RALGAPA1: variants seen among roughly 807,000 people sequenced by gnomAD.
The protein encoded by RALGAPA1 is Ral GTPase activating protein catalytic subunit alpha 1, also known as ral GTPase-activating protein subunit alpha-1.
A neutral mutation model predicts 269.6 loss-of-function variants in RALGAPA1; 52 were observed. The observed-to-expected ratio is 0.19, with a 90% CI of 0.15 to 0.24. The LOEUF is 0.24. Among genes scored for constraint, RALGAPA1 ranks in the 10% least tolerant of loss-of-function variants. The pLI, the probability that RALGAPA1 is intolerant of heterozygous loss-of-function variation, is 1.00. For missense variants in RALGAPA1, 1,917 were observed against 3,013.9 expected (o/e 0.64, Z 8.52); for synonymous variants, 817 against 1,008.3 (o/e 0.81, Z 3.60).
At chr14:35,579,658 A>G (rs2057824501) in intron 37 of RALGAPA1, among the ~76,000 whole-genome samples, 1 of 151,400 alleles carries the variant, frequency 6.6e-6, no homozygotes. Context: ...GGCCTCTGCT[A>G]TCTCACCCAC....
At chr14:35,728,695 C>G (rs747575889) in intron 12 of RALGAPA1, among the ~76,000 whole-genome samples, 185 bp from the exon 13 acceptor site, 13 of 151,646 alleles carry the variant, frequency 8.6e-5, no homozygotes, top group Non-Finnish European at 1.6e-4. Flanking sequence ...TAGTAGGTAC[C>G]CAAAGAAAAT....
At chr14:35,620,705 C>T (rs1306862738) in intron 35 of RALGAPA1, among the ~76,000 whole-genome samples, 1 of 152,090 alleles carries the variant, frequency 6.6e-6, no homozygotes, top group Non-Finnish European at 1.5e-5. Context: ...ACAAGCATTC[C>T]TATACATCAT....
At chr14:35,615,403 TA>T (rs1296883218) in intron 35 of RALGAPA1, among the ~76,000 whole-genome samples, 1 of 152,176 alleles carries the variant, frequency 6.6e-6, no homozygotes, top group Non-Finnish European at 1.5e-5. Flanking sequence ...GTAAGTCTGT[TA>T]ACAAAGTAAT....
chr14:35,752,393 T>TCTTTTG (rs1412839795), intron 7 of RALGAPA1, among the ~76,000 whole-genome samples: 1 of 152,112 alleles, frequency 6.6e-6, no homozygotes, highest in Non-Finnish European at 1.5e-5. Context: ...ACTATGAAAA[T>TCTTTTG]TACACAAAAG....
At chr14:35,671,254 T>G in intron 26 of RALGAPA1, 135 bp downstream of exon 26, 1 of 641,702 alleles carries the variant, frequency 1.6e-6, no homozygotes, top group Non-Finnish European at 2.5e-6. Context: ...GCTTACTTTT[T>G]TTAATGTAGG....
At chr14:35,616,817 G>A (rs185288514) in intron 35 of RALGAPA1, among the ~76,000 whole-genome samples, 92 of 152,246 alleles carry the variant, frequency 6.0e-4, no homozygotes, top group Non-Finnish European at 1.1e-3. Context: ...GACAGTTTCA[G>A]TATAGCAGTA....
At chr14:35,627,049 G>GGAA in intron 34 of RALGAPA1, 41 bp downstream of exon 34, 2 of 1,130,108 alleles carry the variant, frequency 1.8e-6, no homozygotes, top group Non-Finnish European at 2.3e-6. Flanking sequence ...GAATAAGACC[G>GGAA]AAAAAAAAAA....
At chr14:35,594,854 A>G (rs1434644171) in intron 37 of RALGAPA1, among the ~76,000 whole-genome samples, 1 of 152,124 alleles carries the variant, frequency 6.6e-6, no homozygotes, top group Non-Finnish European at 1.5e-5. Context: ...CTGCATTCCT[A>G]TGTTCACTGC....
At chr14:35,625,475 G>T in intron 34 of RALGAPA1, 43 bp from the exon 35 acceptor site, 1 of 1,400,254 alleles carries the variant, frequency 7.1e-7, no homozygotes, top group South Asian at 1.3e-5. Context: ...CCTTTGCAGT[G>T]AATGACAAGA....
chr14:35,600,291 C>T (rs1209067396), intron 36 of RALGAPA1, among the ~76,000 whole-genome samples: 3 of 133,880 alleles, frequency 2.2e-5, no homozygotes, highest in African/African-American at 9.0e-5. Flanking sequence ...AGAGCAGTGA[C>T]ATGATCTTTA....
At chr14:35,724,987 C>G in intron 14 of RALGAPA1, 37 bp downstream of exon 14, 1 of 1,519,766 alleles carries the variant, frequency 6.6e-7, no homozygotes, top group African/African-American at 1.4e-5. Context: ...CAACCCATAT[C>G]TATCCAGCTA....
Position 35,671,478 on chromosome 14 carries a change from A to G in RALGAPA1, c.5113T>C (p.Phe1705Leu), listed in dbSNP as rs1425124616. 6.3e-7 allele frequency: 1 copy of G among 1,597,214 alleles called. No homozygotes were observed. The highest frequency in any genetic ancestry group is 2.2e-5 in the East Asian group (1 of 44,708). Residue 1705 changes from phenylalanine (F) to leucine (L), a missense_variant, in exon 26 of 42, where the codon TTT becomes CTT. Physicochemically the swap from Phe to Leu is conservative, Grantham distance 22. Transcript: ENST00000680220. Reference protein sequence around the residue: ...NTIIKHCSPQFFSLGLPGATM... With the variant: ...NTIIKHCSPQLFSLGLPGATM... ...GCACCAGGCAAACCAAGTGAAAAAA[A>G]TTGAGGTGAGCAGTGTTTGATGATT...
At chr14:35,780,163 T>C (rs916857924) in intron 1 of RALGAPA1, among the ~76,000 whole-genome samples, 23 of 151,880 alleles carry the variant, frequency 1.5e-4, no homozygotes, top group African/African-American at 5.3e-4. Flanking sequence ...AAAGGGTTAA[T>C]CTTTTAAGAA....
chr14:35,798,675 A>G (rs2076750292), intron 1 of RALGAPA1, among the ~76,000 whole-genome samples: 1 of 152,212 alleles, frequency 6.6e-6, no homozygotes, highest in Non-Finnish European at 1.5e-5. Flanking sequence ...GCAGTCCTTC[A>G]TGCAGAAACA....
chr14:35,793,759 C>T (rs549958920), intron 1 of RALGAPA1, among the ~76,000 whole-genome samples: 5 of 152,286 alleles, frequency 3.3e-5, no homozygotes, highest in African/African-American at 1.2e-4. Context: ...AAATTCAATG[C>T]CTTATGGCTG....
chr14:35,722,260 G>A (rs933484820), intron 15 of RALGAPA1, among the ~76,000 whole-genome samples: 2 of 152,138 alleles, frequency 1.3e-5, no homozygotes, highest in African/African-American at 4.8e-5. Flanking sequence ...TAATACCCTG[G>A]ACAAAAGTAT....
At chr14:35,684,057 C>T in intron 20 of RALGAPA1, 72 bp from the exon 21 acceptor site, 2 of 1,174,588 alleles carry the variant, frequency 1.7e-6, no homozygotes, top group South Asian at 2.9e-5. Context: ...GCTAAATCAG[C>T]AAAATGATCA....
At chr14:35,614,254 A>T (rs970732217) in intron 35 of RALGAPA1, among the ~76,000 whole-genome samples, 2 of 152,220 alleles carry the variant, frequency 1.3e-5, no homozygotes, top group Non-Finnish European at 2.9e-5. Context: ...GTCCACACAA[A>T]AAACTGTACA....
chr14:35,546,315 G>C (rs2054450650), intron 41 of RALGAPA1, among the ~76,000 whole-genome samples: 1 of 152,000 alleles, frequency 6.6e-6, no homozygotes, highest in Admixed American at 6.5e-5. Flanking sequence ...GTGGGCTTTA[G>C]ATAATCTTGA....
Sources: allele counts gnomAD v4.1 joint callset (sites outside exome capture counted in the v4.1 genomes callset), GRCh38; gene constraint gnomAD v4.1.1; transcripts MANE v1.5; gene names NCBI Gene and HGNC (gene_info 2026-07-23, HGNC 2026-07-21).